Variants in PPL observed in about 807,000 individuals in gnomAD.
PPL encodes the protein periplakin.
A neutral mutation model predicts 194.4 loss-of-function variants in PPL; 198 were observed. The ratio of observed to expected loss-of-function variants is 1.02; its 90% CI spans 0.91 to 1.15. The LOEUF is 1.15. PPL is among the 50% of genes most tolerant of loss of function. The pLI, the probability that PPL is intolerant of heterozygous loss-of-function variation, is 0.00. For synonymous variants in PPL, 1,220 were observed against 972.4 expected (o/e 1.25, Z -4.74); for missense variants, 2,885 against 2,294.8 (o/e 1.26, Z -5.25).
At position 4,896,924 on chromosome 16, in the gene PPL, C is replaced by T. The variant is rs560212697; in HGVS notation, c.972+751G>A. 3.8e-4 allele frequency among the ~76,000 whole-genome samples: 58 copies of T among 152,014 alleles called. 1 individual carries two copies. Among genetic ancestry groups the T allele is most frequent in the Non-Finnish European group, 4.9e-4 (33 of 67,986 alleles). ...TGCTGGAATTACAGACATGAGCTAC[C>T]GTGCCCAGCCAGGGTATAGGGTTTC... On this transcript the variant is annotated intron_variant, in intron 9 of 21. Coordinates refer to ENST00000345988, the MANE Select transcript of PPL (RefSeq NM_002705.5).
chr16:4,892,727 CAG>C (rs2088343586), intron 14 of PPL: 1 of 163,732 alleles, frequency 6.1e-6, no homozygotes, highest in Non-Finnish European at 1.3e-5. Context: ...CTCACTGCCT[CAG>C]AGGGCTGCCT....
intron 1 of PPL, among the ~76,000 whole-genome samples, chr16:4,920,849 T>C (rs2089035638): frequency 6.6e-6 from 1 of 152,202 alleles, no homozygotes; most frequent in Non-Finnish European, 1.5e-5. Flanking sequence ...GGGATGCTCC[T>C]GACTTGGCCT....
rs2088592367 is a variant in PPL, at chr16:4,902,413, T to C, written c.431A>G (p.Glu144Gly). ...GCCCCGTCCAGGCCATACCAGCTTC[T>C]CCTCCACCAGTGCCGCCCAGTTGAC... Reference protein sequence around the residue: ...PQVNWAALVEEKLDKLNNQSF... With the variant: ...PQVNWAALVEGKLDKLNNQSF... Residue 144 changes from glutamate to glycine, a missense_variant, in exon 4 of 22, where the codon GAG (glutamate) becomes GGG (glycine). By Grantham distance (98) the Glu-to-Gly change is moderately conservative (BLOSUM62 -2). Transcript: ENST00000345988. This position sits in a 1 kb window ranked among gnomAD's most constrained non-coding sequence, Gnocchi z 4.0. The C allele has an allele frequency of 7.4e-6, 12 of 1,613,872 alleles. No homozygotes were observed. Among genetic ancestry groups the C allele is most frequent in the Non-Finnish European group, 1.0e-5 (12 of 1,179,882 alleles).
intron 1 of PPL, among the ~76,000 whole-genome samples, chr16:4,930,982 G>A (rs1231723497): frequency 6.6e-6 from 1 of 152,192 alleles, no homozygotes; most frequent in African/African-American, 2.4e-5. Context: ...AGGGACTGGA[G>A]CGCTGGAGTG....
intron 16 of PPL, chr16:4,891,425 T>A (rs984710659): frequency 5.8e-6 from 1 of 171,804 alleles, no homozygotes; most frequent in South Asian, 2.0e-4. Context: ...TGGATTGTTA[T>A]GTGCTTTATG....
Position 4,893,635 on chromosome 16 carries a change from C to T in PPL, c.1398G>A (p.Leu466=), listed in dbSNP as rs759547931. ...GCCGCACGCTCCGGTACTGGCTGCC[C>T]AGGCTGTGAGGACAGAAATGAGCTG... ...DPEALALADS[L]GSQYRSVRQK... Residue 466 remains leucine, a synonymous_variant, in exon 13 of 22, where the codon CTG becomes CTA. Coordinates refer to ENST00000345988, the MANE Select transcript of PPL (RefSeq NM_002705.5). 1 of 1,586,074 alleles carries T rather than the reference C, an allele frequency of 6.3e-7. No individual in the cohort carries two copies. The highest frequency in any genetic ancestry group is 8.5e-7 in the Non-Finnish European group (1 of 1,169,636).
rs764398777 is a variant in PPL, at chr16:4,900,924, C to G, written c.564+40G>C. 84 of 1,613,920 alleles carry G rather than the reference C, an allele frequency of 5.2e-5. No homozygotes were observed. The East Asian group carries it at 1.8e-3, about 35-fold the overall frequency. On this transcript the variant is annotated intron_variant, in intron 5 of 21. Transcript: ENST00000345988. The stretch of plus-strand genomic sequence containing the variant: ...AGGGCCAGGAAGCAGGCGCGGCCCC[C>G]TCCATCCCTGGGTCCCCACCACACC...
At chr16:4,918,207 T>C (rs1178439186) in intron 1 of PPL, among the ~76,000 whole-genome samples, 1 of 150,834 alleles carries the variant, frequency 6.6e-6, no homozygotes, top group Non-Finnish European at 1.5e-5. Flanking sequence ...GTGGAAGAAT[T>C]GCTTGAACCC....
intron 1 of PPL, 130 bp from the exon 2 acceptor site, chr16:4,911,079 G>C: frequency 1.4e-6 from 1 of 691,534 alleles, no homozygotes; most frequent in Non-Finnish European, 2.5e-6. Flanking sequence ...GAGCCTTTGA[G>C]GTAGTTGGGC....
At chr16:4,914,638 C>T (rs575443512) in intron 1 of PPL, among the ~76,000 whole-genome samples, 1 of 152,304 alleles carries the variant, frequency 6.6e-6, no homozygotes, top group South Asian at 2.1e-4. Context: ...TCTTACAAGT[C>T]TTATTCTTCC....
In PPL at chr16:4,885,979, C is replaced by A; in HGVS notation, c.2676G>T (p.Ala892=). The A allele has an allele frequency of 4.3e-6, 7 of 1,613,902 alleles. No individual in the cohort carries two copies. Among genetic ancestry groups the A allele is most frequent in the Non-Finnish European group, 5.9e-6 (7 of 1,180,048 alleles). Reference sequence around the variant, plus strand: ...CATCCAGTTCCTTCCTGATCTTCCACGCCTCCTCCACTCCAGAGTCCGGCC... The same window carrying A: ...CATCCAGTTCCTTCCTGATCTTCCAAGCCTCCTCCACTCCAGAGTCCGGCC... ...RNRPDSGVEE[A]WKIRKELDEE... The change falls in exon 22 of 22, where the codon GCG becomes GCT. Residue 892 remains alanine (A), a synonymous_variant. Transcript: ENST00000345988. The surrounding 1 kb of genome is among the most constrained non-coding windows in gnomAD (Gnocchi z 6.3).
chr16:4,894,013 A>G (rs1390342576), intron 12 of PPL, among the ~76,000 whole-genome samples: 6 of 152,176 alleles, frequency 3.9e-5, no homozygotes, highest in African/African-American at 1.4e-4. Flanking sequence ...CCAGGTACTT[A>G]ACTAGGCCCT....
rs1444345000 is a variant in PPL, at chr16:4,902,090, C to T, written c.438+316G>A. 5.3e-5 allele frequency among the ~76,000 whole-genome samples: 8 copies of T among 152,246 alleles called. No homozygotes were observed. Among genetic ancestry groups the T allele is most frequent in the Non-Finnish European group, 1.0e-4 (7 of 68,046 alleles). ...GACAGGCCAGAAGCCTGGCCGCTTC[C>T]GCCCCAGCCTGCCCACAAAATGTCA... is the stretch of plus-strand genomic sequence containing the variant. On this transcript the variant is annotated intron_variant, in intron 4 of 21. Coordinates refer to ENST00000345988, the MANE Select transcript of PPL (RefSeq NM_002705.5). This position sits in a 1 kb window ranked among gnomAD's most constrained non-coding sequence, Gnocchi z 4.0.
chr16:4,900,874 G>A lies in PPL; in HGVS notation c.565-3C>T, dbSNP rs2088550817. Reference sequence around the variant, plus strand: ...GCCCGGAGTTCGCTGTTCTGCTCCTGAGGACAGAGCCGAGGGCATGGGTCA... The same window carrying A: ...GCCCGGAGTTCGCTGTTCTGCTCCTAAGGACAGAGCCGAGGGCATGGGTCA... On this transcript the variant is annotated splice_region_variant and splice_polypyrimidine_tract_variant and intron_variant, in intron 5 of 21. Coordinates refer to ENST00000345988, the MANE Select transcript of PPL (RefSeq NM_002705.5). The A allele has an allele frequency of 3.1e-6, 5 of 1,614,168 alleles. No homozygotes were observed. Among genetic ancestry groups the A allele is most frequent in the Non-Finnish European group, 4.2e-6 (5 of 1,180,036 alleles).
Position 4,890,736 on chromosome 16 carries a change from C to T in PPL, c.2154G>A (p.Val718=). The T allele has an allele frequency of 2.5e-6, 4 of 1,606,118 alleles. No individual in the cohort carries two copies. Among genetic ancestry groups the T allele is most frequent in the Non-Finnish European group, 3.4e-6 (4 of 1,176,972 alleles). Residue 718 remains valine (V), a synonymous_variant, in exon 17 of 22, where the codon GTG becomes GTA. Coordinates refer to ENST00000345988, the MANE Select transcript of PPL (RefSeq NM_002705.5). ...GQRFNNLRQQ[V]ERRAQSLQSA... ...ACCCACCGCACCCTCACCTGCGTTC[C>T]ACCTGCTGGCGCAGGTTGTTGAAAC...
At position 4,884,038 on chromosome 16, in the gene PPL, C is replaced by A. The variant is rs11862726; in HGVS notation, c.4617G>T (p.Arg1539=). 9 of 1,613,568 alleles carry A rather than the reference C, an allele frequency of 5.6e-6. No homozygotes were observed. In the African/African-American group the frequency reaches 1.2e-4, roughly 22 times the overall value. The change falls in exon 22 of 22, where the codon CGG becomes CGT. Residue 1539 remains arginine (R), a synonymous_variant. Coordinates refer to ENST00000345988, the MANE Select transcript of PPL (RefSeq NM_002705.5). This position sits in a 1 kb window ranked among gnomAD's most constrained non-coding sequence, Gnocchi z 5.7. ...SKRELDVEVS[R]LEARLSELEF... is the part of the protein sequence containing the mutation. ...CCAGCTCCGAAAGCCTGGCTTCCAG[C>A]CGGCTCACCTCGACGTCCAGCTCGC... is the stretch of plus-strand genomic sequence containing the variant.
intron 1 of PPL, among the ~76,000 whole-genome samples, chr16:4,933,621 G>A (rs976489181): frequency 6.6e-6 from 1 of 152,140 alleles, no homozygotes; most frequent in Non-Finnish European, 1.5e-5. Context: ...CCAGGGTGGA[G>A]ACCTCATCTG....
At chr16:4,899,483 A>C in intron 6 of PPL, 99 bp from the exon 7 acceptor site, 1 of 1,476,284 alleles carries the variant, frequency 6.8e-7, no homozygotes, top group Non-Finnish European at 9.0e-7. Flanking sequence ...GGCTGGCCTG[A>C]GGACAAGCCC....
chr16:4,918,170 G>A (rs999111122), intron 1 of PPL, among the ~76,000 whole-genome samples: 3 of 151,724 alleles, frequency 2.0e-5, no homozygotes, highest in Non-Finnish European at 2.9e-5. Context: ...GCAGGTACCT[G>A]TAATCCCAGC....
Sources: gnomAD v4.1 joint callset for allele counts (sites outside exome capture counted in the v4.1 genomes callset) on GRCh38, gnomAD v4.1.1 for gene constraint, Gnocchi (gnomAD v3.1) non-coding constraint, MANE v1.5 for transcripts, NCBI Gene and HGNC (gene_info 2026-07-23, HGNC 2026-07-21) for gene names.